Variants in NME9 observed in about 807,000 individuals in gnomAD.
NME9 encodes NME/NM23 family member 9.
NME9 carries 48 observed loss-of-function variants against 44.4 expected under a neutral mutation model. The ratio of observed to expected loss-of-function variants is 1.08; its 90% CI spans 0.86 to 1.37. The LOEUF (loss-of-function observed/expected upper bound fraction) is 1.37. Ranked by LOEUF, NME9 falls within the 40% of genes most tolerant of loss-of-function variation. NME9 has a pLI of 0.00. For missense variants in NME9, 325 were observed against 405.2 expected, an observed-to-expected ratio of 0.80 and a Z score of 1.70; for synonymous variants, 139 against 147.1, an observed-to-expected ratio of 0.94 and a Z score of 0.40.
At chr3:138,315,341 TAAG>T (rs1282102283) in intron 5 of NME9, among the ~76,000 whole-genome samples, 183 bp downstream of exon 5, 1 of 152,184 alleles carries the variant, frequency 6.6e-6, no homozygotes, top group Non-Finnish European at 1.5e-5. Context: ...ATGGCTTTTA[TAAG>T]AAGGTTTCAA....
At chr3:138,269,906 C>T in intron 8 of NME9, 1 of 286,376 alleles carries the variant, frequency 3.5e-6, no homozygotes, top group Non-Finnish European at 6.7e-6. Flanking sequence ...GGCTACATCA[C>T]TCCCTGCTTT....
chr3:138,281,402 C>T (rs1461955909), intron 8 of NME9, among the ~76,000 whole-genome samples: 1 of 151,796 alleles, frequency 6.6e-6, no homozygotes, highest in Admixed American at 6.6e-5. Context: ...AATAGATTCT[C>T]CTGCCTCAGC....
At chr3:138,288,925 C>A in intron 8 of NME9, 1 of 721,728 alleles carries the variant, frequency 1.4e-6, no homozygotes, top group Non-Finnish European at 2.3e-6. Context: ...GCATGAGCCA[C>A]CTCACCTGGC....
chr3:138,287,625 T>C (rs1560053344), intron 8 of NME9: 1 of 456,598 alleles, frequency 2.2e-6, no homozygotes, highest in Non-Finnish European at 4.4e-6. Context: ...TTCTGTTTTG[T>C]CTTAAGGGAG....
intron 8 of NME9, among the ~76,000 whole-genome samples, chr3:138,284,729 T>G (rs2050243656): frequency 6.6e-6 from 1 of 152,194 alleles, no homozygotes; most frequent in South Asian, 2.1e-4. Flanking sequence ...GGTAATATTA[T>G]TACCTGCCAG....
intron 4 of NME9, among the ~76,000 whole-genome samples, chr3:138,317,483 A>G (rs1469731999): frequency 2.0e-5 from 3 of 152,196 alleles, no homozygotes; most frequent in African/African-American, 7.2e-5. Flanking sequence ...CAAGTGTGAA[A>G]CAGTGGGCCC....
At chr3:138,296,540 A>T (rs182481047), downstream of NME9, 53 of 152,010 alleles carry the variant, frequency 3.5e-4, no homozygotes, top group Middle Eastern at 3.4e-3. Context: ...TTTTCTTTAT[A>T]TAAAAAAAAA....
chr3:138,287,804 A>G (rs113970604), intron 8 of NME9: 4 of 385,686 alleles, frequency 1.0e-5, no homozygotes. Context: ...ACCATTGAGC[A>G]TATTTTGCCA....
chr3:138,322,637 T>C (rs1391086186), intron 2 of NME9, among the ~76,000 whole-genome samples: 1 of 152,150 alleles, frequency 6.6e-6, no homozygotes, highest in East Asian at 1.9e-4. Flanking sequence ...AGAAAATTTC[T>C]GCCGGCTGCA....
chr3:138,270,364 A>T (rs1576899463), intron 8 of NME9, among the ~76,000 whole-genome samples: 2 of 152,340 alleles, frequency 1.3e-5, no homozygotes, highest in East Asian at 3.9e-4. Context: ...AAAAGTGAAC[A>T]GATGTTGAAA....
chr3:138,329,851 C>T lies in NME9; in HGVS notation c.-516G>A. The T allele has an allele frequency of 1.0e-6, 1 of 985,950 alleles. No homozygotes were observed. The highest frequency in any genetic ancestry group is 1.2e-6 in the Non-Finnish European group (1 of 830,248). The allele number at this position is 985,950 out of a possible 1,614,324, so 61.1% of individuals were successfully genotyped here. ...CGCGACCTAGCCGCGGTCGTCATGGCAACCTGGCCCCCCCGCCAGGCCTGC... is the reference window on the plus strand; with the variant it reads ...CGCGACCTAGCCGCGGTCGTCATGGTAACCTGGCCCCCCCGCCAGGCCTGC... On this transcript the variant is annotated 5_prime_UTR_variant, in exon 1 of 11. Transcript: ENST00000333911.
intron 6 of NME9, among the ~76,000 whole-genome samples, chr3:138,310,626 C>G (rs1029772713): frequency 3.3e-5 from 5 of 152,032 alleles, no homozygotes; most frequent in Non-Finnish European, 7.4e-5. Flanking sequence ...AGAAACTACA[C>G]AAACACATGA....
chr3:138,278,243 C>T (rs1169322799), intron 8 of NME9, among the ~76,000 whole-genome samples: 1 of 152,068 alleles, frequency 6.6e-6, no homozygotes, highest in African/African-American at 2.4e-5. Context: ...CACGGTGGCT[C>T]ACACCGTGAT....
At chr3:138,326,213 T>G (rs1050381666) in intron 1 of NME9, among the ~76,000 whole-genome samples, 2 of 152,062 alleles carry the variant, frequency 1.3e-5, no homozygotes, top group Non-Finnish European at 2.9e-5. Flanking sequence ...CTGGTTGGAG[T>G]GTTGGAGAAG....
chr3:138,281,774 A>G (rs1399987064), intron 8 of NME9, among the ~76,000 whole-genome samples: 1 of 152,148 alleles, frequency 6.6e-6, no homozygotes, highest in Non-Finnish European at 1.5e-5. Context: ...GTCTATTCTG[A>G]GGGATCTTCC....
At chr3:138,300,607 G>T (rs964333085), downstream of NME9, among the ~76,000 whole-genome samples, 8 of 152,192 alleles carry the variant, frequency 5.3e-5, no homozygotes, top group Non-Finnish European at 8.8e-5. Flanking sequence ...TCCCTCCAGG[G>T]AAGAACTGCA....
At chr3:138,328,443 A>G (rs2053926708) in intron 1 of NME9, among the ~76,000 whole-genome samples, 2 of 150,632 alleles carry the variant, frequency 1.3e-5, no homozygotes. Context: ...ATCCACATGC[A>G]AACTGCTGGT....
chr3:138,303,830 T>C (rs989329223), intron 9 of NME9, among the ~76,000 whole-genome samples, 187 bp from the exon 10 acceptor site: 6 of 152,306 alleles, frequency 3.9e-5, no homozygotes, highest in African/African-American at 1.2e-4. Flanking sequence ...GTCATGGCAG[T>C]GTGCTGGGCA....
intron 8 of NME9, among the ~76,000 whole-genome samples, chr3:138,294,379 T>TG (rs1030116149): frequency 5.3e-5 from 8 of 152,174 alleles, no homozygotes; most frequent in African/African-American, 1.9e-4. Context: ...TTTAAGTATT[T>TG]GGGGAGTCAG....
Sources: allele counts gnomAD v4.1 joint callset (sites outside exome capture counted in the v4.1 genomes callset), GRCh38; gene constraint gnomAD v4.1.1; transcripts MANE v1.5; gene names NCBI Gene and HGNC (gene_info 2026-07-23, HGNC 2026-07-21).